Variants in DCLRE1C observed in about 807,000 individuals in gnomAD.
The protein encoded by DCLRE1C is DNA cross-link repair 1C, also known as protein artemis.
A neutral mutation model predicts 61.4 loss-of-function variants in DCLRE1C; 47 were observed. The observed-to-expected ratio is 0.77, with a 90% confidence interval of 0.61 to 0.98. The LOEUF is 0.98. Ranked by LOEUF, DCLRE1C falls within the 50% of genes least tolerant of loss-of-function variation. The pLI, the probability that DCLRE1C is intolerant of heterozygous loss-of-function variation, is 0.00. For missense variants in DCLRE1C, 858 were observed against 816.0 expected (o/e 1.05, Z -0.63); for synonymous variants, 337 against 287.6 (o/e 1.17, Z -1.74).
At chr10:14,931,344 G>A (rs1838951839) in intron 9 of DCLRE1C, among the ~76,000 whole-genome samples, 2 of 151,780 alleles carry the variant, frequency 1.3e-5, no homozygotes, top group African/African-American at 4.8e-5. Flanking sequence ...GTGGTCACGA[G>A]GTTAGGAGTT....
At position 14,950,023 on chromosome 10, in the gene DCLRE1C, C is replaced by T. The variant is rs573894177; in HGVS notation, c.110-936G>A. On this transcript the variant is annotated intron_variant, in intron 1 of 13. Transcript: ENST00000378278. ...CCATAACACTGCACTTCGGCCTGGGCGACAGAGTGAGACTTCATCTCAAAA... is the reference window on the plus strand; with the variant it reads ...CCATAACACTGCACTTCGGCCTGGGTGACAGAGTGAGACTTCATCTCAAAA... Among the ~76,000 whole-genome samples the T allele has an allele frequency of 3.3e-5, 5 of 151,898 alleles. No homozygotes were observed. In the East Asian group the frequency reaches 5.8e-4, roughly 18 times the overall value.
At chr10:14,903,418 T>C (rs1314206910), downstream of DCLRE1C, 1 of 152,214 alleles carries the variant, frequency 6.6e-6, no homozygotes, top group Non-Finnish European at 1.5e-5. Flanking sequence ...TACTGTAATG[T>C]ACATTAACAT....
In DCLRE1C at chr10:14,898,913, T is replaced by TG. The variant is rs1833793655; in HGVS notation, c.*250dup. The TG allele has an allele frequency of 1.3e-5, 4 of 314,158 alleles. No individual in the cohort carries two copies. In the South Asian group the frequency reaches 5.7e-4, roughly 45 times the overall value. The allele number at this position is 314,158 out of a possible 1,614,324, so 19.5% of individuals were successfully genotyped here. A position where few individuals can be genotyped will look rare whatever the true frequency, so the allele number is the denominator to read the frequency against. ...CTGGATCATATTTAGAGCATATACTTGCAGATTTAGTCCTTAACATTCAGT... is the reference window on the plus strand; with the variant it reads ...CTGGATCATATTTAGAGCATATACTTGGCAGATTTAGTCCTTAACATTCAGT... On this transcript the variant is annotated 3_prime_UTR_variant, in exon 14 of 14. Transcript: ENST00000378289.
In DCLRE1C at chr10:14,907,202, T is replaced by G. The variant is rs981163083; in HGVS notation, c.*1206A>C. On this transcript the variant is annotated 3_prime_UTR_variant, in exon 14 of 14. Transcript: ENST00000378278. ...TATATTCTAATTGTCCGCTTCTAAT[T>G]TGGCCACCGTATTCACATCAAGGTT... Among the ~76,000 whole-genome samples the G allele has an allele frequency of 6.6e-5, 10 of 151,672 alleles. No homozygotes were observed. The highest frequency in any genetic ancestry group is 1.2e-4 in the Non-Finnish European group (8 of 67,980).
chr10:14,901,811 C>T (rs114589868), downstream of DCLRE1C, among the ~76,000 whole-genome samples: 937 of 151,116 alleles, frequency 6.2e-3, 14 homozygotes, highest in African/African-American at 0.022. Flanking sequence ...CCAGCCTGGA[C>T]GACAGAGACC....
Position 14,908,384 on chromosome 10 carries a change from T to C in DCLRE1C, c.*24A>G. 1 of 1,575,238 alleles carries C rather than the reference T, an allele frequency of 6.3e-7. No individual in the cohort carries two copies. Among genetic ancestry groups the C allele is most frequent in the Non-Finnish European group, 8.7e-7 (1 of 1,145,712 alleles). On this transcript the variant is annotated 3_prime_UTR_variant, in exon 14 of 14. Coordinates refer to ENST00000378278, the MANE Select transcript of DCLRE1C (RefSeq NM_001033855.3). ...TCTGTGCAGGTTTTTTAGTGGTTGC[T>C]CTAGGTTGAAACGCTTTGAATTCTT... is the stretch of plus-strand genomic sequence containing the variant.
chr10:14,922,110 C>G (rs1331661997), intron 12 of DCLRE1C, among the ~76,000 whole-genome samples: 1 of 152,192 alleles, frequency 6.6e-6, no homozygotes, highest in East Asian at 1.9e-4. Flanking sequence ...CAAATTGGAA[C>G]CCAAGCTCCA....
At chr10:14,919,603 G>T (rs1341010277) in intron 13 of DCLRE1C, 135 bp downstream of exon 13, 2 of 742,588 alleles carry the variant, frequency 2.7e-6, no homozygotes, top group Non-Finnish European at 4.9e-6. Flanking sequence ...TACTTCCTGA[G>T]ACCATGTGTC....
At chr10:14,931,606 C>T (rs1372265740) in intron 9 of DCLRE1C, among the ~76,000 whole-genome samples, 2 of 151,926 alleles carry the variant, frequency 1.3e-5, no homozygotes, top group Non-Finnish European at 2.9e-5. Context: ...TGACATGTGA[C>T]TTGCAAAGAC....
chr10:14,950,266 G>A lies in DCLRE1C; in HGVS notation c.110-1179C>T, dbSNP rs1369616849. ...GAGATAGGAGAATTGCTTGAACCCC[G>A]AAGGCAGAGGTTGCGGTGAGCTGAG... is the stretch of plus-strand genomic sequence containing the variant. On this transcript the variant is annotated intron_variant, in intron 1 of 13. Transcript: ENST00000378278. 2.7e-5 allele frequency among the ~76,000 whole-genome samples: 4 copies of A among 150,206 alleles called. No homozygotes were observed. The Admixed American group carries it at 2.7e-4, about 10-fold the overall frequency.
chr10:14,908,252 G>A lies in DCLRE1C; in HGVS notation c.*156C>T. 1 of 576,998 alleles carries A rather than the reference G, an allele frequency of 1.7e-6. No homozygotes were observed. The highest frequency in any genetic ancestry group is 3.0e-6 in the Non-Finnish European group (1 of 331,936). 35.7% of individuals were successfully genotyped at this position (576,998 alleles called of 1,614,324 possible). ...GTCGAACTCCTGGGCTCAAGCCATT[G>A]CCCACCTCAAAGTGCTGGGATTACA... On this transcript the variant is annotated 3_prime_UTR_variant, in exon 14 of 14. Transcript: ENST00000378278.
chr10:14,927,179 C>T (rs1026386322), intron 10 of DCLRE1C, among the ~76,000 whole-genome samples: 1 of 152,060 alleles, frequency 6.6e-6, no homozygotes, highest in East Asian at 1.9e-4. Context: ...CTCAGGAGTT[C>T]GAGACCAGCC....
exon 14 of DCLRE1C, chr10:14,897,556 A>G: frequency 6.8e-7 from 1 of 1,469,218 alleles, no homozygotes; most frequent in African/African-American, 1.4e-5. Flanking sequence ...ATGGACATGC[A>G]AGGTTTATAC....
At chr10:14,911,005 A>G (rs1835165955) in intron 13 of DCLRE1C, among the ~76,000 whole-genome samples, 2 of 152,204 alleles carry the variant, frequency 1.3e-5, no homozygotes, top group African/African-American at 4.8e-5. Flanking sequence ...TTGAAGAAAT[A>G]AATGTACCTG....
intron 13 of DCLRE1C, among the ~76,000 whole-genome samples, chr10:14,910,086 T>G (rs1425895271): frequency 6.6e-6 from 1 of 152,182 alleles, no homozygotes; most frequent in Admixed American, 6.5e-5. Context: ...GAATCTGGTG[T>G]TATAATAATC....
At chr10:14,904,447 C>G (rs1834232917), downstream of DCLRE1C, 1 of 148,398 alleles carries the variant, frequency 6.7e-6, no homozygotes. Flanking sequence ...TTACAGGTTG[C>G]CCCCAGTGGC....
chr10:14,906,322 T>C lies in DCLRE1C; in HGVS notation c.*2086A>G, dbSNP rs1214765376. On this transcript the variant is annotated 3_prime_UTR_variant, in exon 14 of 14. Coordinates refer to ENST00000378278, the MANE Select transcript of DCLRE1C (RefSeq NM_001033855.3). Reference sequence around the variant, plus strand: ...CAGAGTAAGCACCAAATATAATTTCTGGTAATCACTATCGGTTTCTTGATC... The same window carrying C: ...CAGAGTAAGCACCAAATATAATTTCCGGTAATCACTATCGGTTTCTTGATC... Among the ~76,000 whole-genome samples, 1 of 152,264 alleles carries C rather than the reference T, an allele frequency of 6.6e-6. No homozygotes were observed. The highest frequency in any genetic ancestry group is 2.4e-5 in the African/African-American group (1 of 41,474).
Position 14,905,022 on chromosome 10 carries a change from G to T in DCLRE1C, c.*3386C>A, listed in dbSNP as rs928413938. On this transcript the variant is annotated 3_prime_UTR_variant, in exon 14 of 14. Coordinates refer to ENST00000378278, the MANE Select transcript of DCLRE1C (RefSeq NM_001033855.3). ...AGTTTCTCTTAGCAAAATAAATTAG[G>T]TTGGGCATTTAATGTTCTATTTACC... Among the ~76,000 whole-genome samples, 62 of 152,232 alleles carry T rather than the reference G, an allele frequency of 4.1e-4. No individual in the cohort carries two copies. Among genetic ancestry groups the T allele is most frequent in the African/African-American group, 1.5e-3 (62 of 41,548 alleles).
intron 2 of DCLRE1C, among the ~76,000 whole-genome samples, chr10:14,946,601 T>C (rs11259405): frequency 0.51 from 77,943 of 151,678 alleles, 21,319 homozygotes; most frequent in Admixed American, 0.62. Flanking sequence ...TCTTAGGACA[T>C]ACGCTTTTTA....
Sources: gnomAD v4.1 joint callset for allele counts (sites outside exome capture counted in the v4.1 genomes callset) on GRCh38, gnomAD v4.1.1 for gene constraint, MANE v1.5 for transcripts, NCBI Gene and HGNC (gene_info 2026-07-23, HGNC 2026-07-21) for gene names.